CACNA1C: variants seen among roughly 807,000 people sequenced by gnomAD.
CACNA1C encodes voltage-dependent L-type calcium channel subunit alpha-1C.
In CACNA1C, 30 loss-of-function variants were observed where a neutral mutation model predicts 229.0. That is an observed-to-expected ratio of 0.13 (90% CI 0.10 to 0.18). The LOEUF (loss-of-function observed/expected upper bound fraction) is 0.18, where lower values mean the gene tolerates loss of function less well. Ranked by LOEUF, CACNA1C falls within the 10% of genes least tolerant of loss-of-function variation. The probability of loss-of-function intolerance (pLI) is 1.00; values close to 1 mark genes in which losing one functional copy is unlikely to be tolerated. For missense variants in CACNA1C, 1,658 were observed against 2,845.0 expected, an observed-to-expected ratio of 0.58 and a Z score of 9.49; for synonymous variants, 1,114 against 1,132.5, an observed-to-expected ratio of 0.98 and a Z score of 0.33.
At chr12:2,565,953 A>T (rs1247368679) in intron 11 of CACNA1C, among the ~76,000 whole-genome samples, 4 of 152,212 alleles carry the variant, frequency 2.6e-5, no homozygotes, top group Non-Finnish European at 5.9e-5. Context: ...CACAAAAATC[A>T]GGATAATGCG....
chr12:2,223,119 C>A (rs952307613), intron 3 of CACNA1C, among the ~76,000 whole-genome samples: 1 of 152,160 alleles, frequency 6.6e-6, no homozygotes, highest in Non-Finnish European at 1.5e-5. Context: ...CAGGGATATC[C>A]TACTTGGCTC....
intron 1 of CACNA1C, among the ~76,000 whole-genome samples, chr12:2,104,884 A>C (rs1176768362): frequency 6.6e-6 from 1 of 152,224 alleles, no homozygotes. Flanking sequence ...TTATTATGGC[A>C]AAAATTATGG....
chr12:2,586,209 T>C (rs2062379797), intron 18 of CACNA1C, among the ~76,000 whole-genome samples: 1 of 152,230 alleles, frequency 6.6e-6, no homozygotes, highest in Non-Finnish European at 1.5e-5. Flanking sequence ...TCATCATTAA[T>C]TTATATAATG....
In CACNA1C at chr12:2,653,814, G is replaced by T. The variant is rs765470376; in HGVS notation, c.4075-21G>T. The T allele has an allele frequency of 1.2e-6, 2 of 1,611,530 alleles. No homozygotes were observed. Among genetic ancestry groups the T allele is most frequent in the Non-Finnish European group, 1.7e-6 (2 of 1,177,960 alleles). Reference sequence around the variant, plus strand: ...GCCTCTGCACTCCAGCCTCATGGGAGTCTCCTGCACTTCCTTCCAGGCCCT... The same window carrying T: ...GCCTCTGCACTCCAGCCTCATGGGATTCTCCTGCACTTCCTTCCAGGCCCT... On this transcript the variant is annotated intron_variant, in intron 32 of 46. Transcript: ENST00000399655. This position sits in a 1 kb window ranked among gnomAD's most constrained non-coding sequence, Gnocchi z 4.7.
chr12:2,257,537 G>A (rs1730818327), intron 3 of CACNA1C, among the ~76,000 whole-genome samples: 1 of 152,216 alleles, frequency 6.6e-6, no homozygotes, highest in Admixed American at 6.5e-5. Context: ...ATCTAATGCT[G>A]CTGCTGATCT....
intron 3 of CACNA1C, among the ~76,000 whole-genome samples, chr12:2,216,504 T>C (rs1404709009): frequency 2.0e-5 from 3 of 152,176 alleles, no homozygotes; most frequent in Non-Finnish European, 4.4e-5. Flanking sequence ...TATCAAACCC[T>C]CCTGGGTTTT....
Position 2,668,602 on chromosome 12 carries a change from A to G in CACNA1C, c.4624-331A>G, listed in dbSNP as rs6489375. 180,078 of 255,408 alleles carry G rather than the reference A, an allele frequency of 0.71. 69,555 individuals are homozygous for G. Among genetic ancestry groups the G allele is most frequent in the South Asian group, 0.85 (11,532 of 13,640 alleles). The allele number at this position is 255,408 out of a possible 1,614,324, so 15.8% of individuals were successfully genotyped here. On this transcript the variant is annotated intron_variant, in intron 37 of 46. Transcript: ENST00000399655. ...CTGGGGAGGCCTCAGGAAGCTTCCA[A>G]TCAATCATGGTGGAAGGCAAAGGGG...
chr12:2,008,664 T>A (rs2470391), intron 1 of CACNA1C, among the ~76,000 whole-genome samples: 115,224 of 152,154 alleles, frequency 0.76, 44,626 homozygotes, highest in African/African-American at 0.93. Context: ...GCAAGTCCTG[T>A]TCTCTCAGAT....
intron 9 of CACNA1C, among the ~76,000 whole-genome samples, chr12:2,534,463 C>G (rs982071061): frequency 1.3e-5 from 2 of 152,226 alleles, no homozygotes; most frequent in African/African-American, 2.4e-5. Flanking sequence ...GCCCCTCTCT[C>G]TCTGTGCCGA....
rs1408883033 is a variant in CACNA1C, at chr12:2,693,589, C to G, written c.*2390C>G. 6.6e-6 allele frequency: 1 copy of G among 152,156 alleles called. No individual in the cohort carries two copies. Among genetic ancestry groups the G allele is most frequent in the Non-Finnish European group, 1.5e-5 (1 of 68,078 alleles). 9.4% of individuals were successfully genotyped at this position (152,156 alleles called of 1,614,324 possible). On this transcript the variant is annotated 3_prime_UTR_variant, in exon 47 of 47. Coordinates refer to ENST00000399655, the MANE Select transcript of CACNA1C (RefSeq NM_000719.7). Reference sequence around the variant, plus strand: ...GGAGCAGCCTTTCCTTCAGGCTTGCCCTAATGTTTGGGCTGCCGGGGAGGG... The same window carrying G: ...GGAGCAGCCTTTCCTTCAGGCTTGCGCTAATGTTTGGGCTGCCGGGGAGGG...
chr12:2,071,930 C>T (rs1391885659), intron 1 of CACNA1C, among the ~76,000 whole-genome samples: 1 of 152,124 alleles, frequency 6.6e-6, no homozygotes, highest in Non-Finnish European at 1.5e-5. Context: ...ACTGCCAGAA[C>T]TGGAAATTTG....
intron 3 of CACNA1C, among the ~76,000 whole-genome samples, chr12:2,254,537 G>A (rs531319793): frequency 1.4e-4 from 21 of 152,246 alleles, no homozygotes; most frequent in South Asian, 1.0e-3. Context: ...ATCGTGCTGC[G>A]GCAAACTGGC....
intron 3 of CACNA1C, among the ~76,000 whole-genome samples, chr12:2,277,358 GACAGACACACACACACACACACACACAC>G (rs1205646875): frequency 2.3e-3 from 193 of 83,050 alleles, no homozygotes; most frequent in Non-Finnish European, 3.3e-3. Flanking sequence ...CAGACAGACA[GACAGACACACACACACACACACACACAC>G]ACACACACAC....
At position 2,580,986 on chromosome 12, in the gene CACNA1C, A is replaced by G. The variant is rs577413917; in HGVS notation, c.1896-604A>G. ...AAAGAAACAATTCTTAGGACAGCGT[A>G]AACTTGGGAAACCACCAAGCCATGA... On this transcript the variant is annotated intron_variant, in intron 13 of 46. Coordinates refer to ENST00000399655, the MANE Select transcript of CACNA1C (RefSeq NM_000719.7). Among the ~76,000 whole-genome samples the G allele has an allele frequency of 1.1e-3, 175 of 152,362 alleles. 2 individuals are homozygous for G. Among genetic ancestry groups the G allele is most frequent in the African/African-American group, 4.1e-3 (172 of 41,586 alleles).
Position 2,595,258 on chromosome 12 carries a change from C to T in CACNA1C, c.2664-616C>T, listed in dbSNP as rs374017857. 6.6e-6 allele frequency among the ~76,000 whole-genome samples: 1 copy of T among 152,124 alleles called. No homozygotes were observed. ...TCCTACTTGGGTTTCAGTGTTCTTACCTGTGAAATGAAGATGATGACACCC... is the reference window on the plus strand; with the variant it reads ...TCCTACTTGGGTTTCAGTGTTCTTATCTGTGAAATGAAGATGATGACACCC... On this transcript the variant is annotated intron_variant, in intron 19 of 46. Coordinates refer to ENST00000399655, the MANE Select transcript of CACNA1C (RefSeq NM_000719.7). The surrounding 1 kb of genome is among the most constrained non-coding windows in gnomAD (Gnocchi z 4.1).
chr12:2,377,385 C>G (rs1341223630), intron 3 of CACNA1C, among the ~76,000 whole-genome samples: 1 of 152,140 alleles, frequency 6.6e-6, no homozygotes, highest in Non-Finnish European at 1.5e-5. Context: ...TGGCGAACAC[C>G]ACATGCACCC....
intron 1 of CACNA1C, among the ~76,000 whole-genome samples, chr12:1,993,897 T>C (rs750531892): frequency 8.5e-5 from 13 of 152,340 alleles, no homozygotes; most frequent in Middle Eastern, 3.4e-3. Context: ...CTTAGTGATA[T>C]GAAGCAACTC....
chr12:2,669,949 GTATTAA>G (rs1569166123), intron 38 of CACNA1C, among the ~76,000 whole-genome samples: 1 of 152,196 alleles, frequency 6.6e-6, no homozygotes, highest in Non-Finnish European at 1.5e-5. Context: ...GGGAAAGGCT[GTATTAA>G]ACACACCTAA....
At chr12:2,057,396 C>T (rs1343945612) in intron 1 of CACNA1C, among the ~76,000 whole-genome samples, 5 of 152,200 alleles carry the variant, frequency 3.3e-5, no homozygotes, top group South Asian at 2.1e-4. Context: ...CAGTAGGTGG[C>T]GCCACAGGGC....
Sources: gnomAD v4.1 joint callset for allele counts (sites outside exome capture counted in the v4.1 genomes callset) on GRCh38, gnomAD v4.1.1 for gene constraint, Gnocchi (gnomAD v3.1) non-coding constraint, MANE v1.5 for transcripts, NCBI Gene and HGNC (gene_info 2026-07-23, HGNC 2026-07-21) for gene names.